Variants in KANSL1 observed in about 807,000 individuals in gnomAD.
The protein encoded by KANSL1 is KAT8 regulatory NSL complex subunit 1.
A neutral mutation model predicts 103.6 loss-of-function variants in KANSL1; 22 were observed. The ratio of observed to expected loss-of-function variants is 0.21; its 90% CI spans 0.15 to 0.30. KANSL1 has a LOEUF of 0.30. Ranked by LOEUF, KANSL1 falls within the 10% of genes least tolerant of loss-of-function variation. KANSL1 has a pLI of 1.00. For synonymous variants in KANSL1, 600 were observed against 527.6 expected (o/e 1.14, Z -1.88); for missense variants, 1,337 against 1,399.8 (o/e 0.96, Z 0.72).
chr17:46,193,553 C>G (rs1227308725), upstream of KANSL1: 9 of 149,502 alleles, frequency 6.0e-5, no homozygotes, highest in African/African-American at 1.5e-4. Flanking sequence ...GGGGCGCCCG[C>G]CGCGCCGCCC....
intron 2 of KANSL1, among the ~76,000 whole-genome samples, chr17:46,121,543 C>G (rs1231699506): frequency 3.3e-5 from 5 of 152,186 alleles, no homozygotes; most frequent in Admixed American, 3.3e-4. Flanking sequence ...GCCTTTTTCC[C>G]TGATGACCCT....
At chr17:46,052,651 T>G (rs2077751138) in intron 6 of KANSL1, among the ~76,000 whole-genome samples, 1 of 150,726 alleles carries the variant, frequency 6.6e-6, no homozygotes, top group Non-Finnish European at 1.5e-5. Context: ...AATAAAAAAA[T>G]TCAATAGATG....
At chr17:46,100,293 C>A (rs543328287) in intron 2 of KANSL1, among the ~76,000 whole-genome samples, 2 of 151,986 alleles carry the variant, frequency 1.3e-5, no homozygotes, top group South Asian at 4.1e-4. Flanking sequence ...AAAAATTATC[C>A]AGACGTAGTC....
intron 6 of KANSL1, among the ~76,000 whole-genome samples, chr17:46,056,785 A>G (rs1229250399): frequency 6.6e-6 from 1 of 152,250 alleles, no homozygotes; most frequent in East Asian, 1.9e-4. Context: ...TAACTGTTAA[A>G]ACATTACACA....
At chr17:46,075,807 T>C (rs1220456907) in intron 4 of KANSL1, among the ~76,000 whole-genome samples, 1 of 152,154 alleles carries the variant, frequency 6.6e-6, no homozygotes, top group Non-Finnish European at 1.5e-5. Context: ...CACAGAAAAG[T>C]ATTTGCAGTT....
chr17:46,038,516 C>T (rs762076648), intron 10 of KANSL1, 22 bp downstream of exon 10: 2 of 1,612,008 alleles, frequency 1.2e-6, no homozygotes, highest in Non-Finnish European at 1.7e-6. Context: ...GGGTGTCCGG[C>T]CAACCCCACA....
chr17:46,135,864 A>C (rs2044114882), intron 2 of KANSL1, among the ~76,000 whole-genome samples: 1 of 152,092 alleles, frequency 6.6e-6, no homozygotes, highest in Non-Finnish European at 1.5e-5. Context: ...CAGTGACCCA[A>C]CAATTTGCCA....
chr17:46,189,980 C>T (rs956356690), intron 1 of KANSL1, among the ~76,000 whole-genome samples: 1 of 151,548 alleles, frequency 6.6e-6, no homozygotes, highest in African/African-American at 2.4e-5. Flanking sequence ...GGGGCCTAAT[C>T]AGAACCTCTC....
intron 2 of KANSL1, among the ~76,000 whole-genome samples, chr17:46,106,817 G>C (rs2042586792): frequency 7.4e-6 from 1 of 135,252 alleles, no homozygotes; most frequent in Non-Finnish European, 1.8e-5. Flanking sequence ...AAAAATAAAT[G>C]TGGTAAAAAG....
At chr17:46,037,012 G>T (rs2077171880) in intron 10 of KANSL1, among the ~76,000 whole-genome samples, 1 of 152,172 alleles carries the variant, frequency 6.6e-6, no homozygotes, top group Admixed American at 6.5e-5. Context: ...ACTGTGCCTG[G>T]CCTATCTTCT....
intron 4 of KANSL1, among the ~76,000 whole-genome samples, chr17:46,077,711 C>T (rs989354429): frequency 6.6e-6 from 1 of 152,098 alleles, no homozygotes; most frequent in Admixed American, 6.5e-5. Flanking sequence ...GTGTCTGCCA[C>T]CACGCTTGGA....
Position 46,059,647 on chromosome 17 carries a change from A to AAAGAGAGAGAG in KANSL1, c.1848+6889_1848+6890insCTCTCTCTCTT, listed in dbSNP as rs541946204. Among the ~76,000 whole-genome samples, 164 of 54,858 alleles carry AAAGAGAGAGAG rather than the reference A, an allele frequency of 3.0e-3. 4 individuals carry two copies. Among genetic ancestry groups the AAAGAGAGAGAG allele is most frequent in the Middle Eastern group, 0.013 (1 of 80 alleles). The allele number at this position is 54,858 out of a possible 152,430, so 36.0% of individuals were successfully genotyped here. On this transcript the variant is annotated intron_variant, in intron 6 of 14. Transcript: ENST00000432791. ...TGACTCCAAAAAAAAAAAAAAAAAA[A>AAAGAGAGAGAG]AGAGAGAGAGAGAGAGAGAAAAGGA...
chr17:46,059,967 C>A (rs1308251881), intron 6 of KANSL1, among the ~76,000 whole-genome samples: 2 of 152,034 alleles, frequency 1.3e-5, no homozygotes, highest in Non-Finnish European at 2.9e-5. Flanking sequence ...CAAACAACAA[C>A]AACAAAAAAT....
chr17:46,166,856 G>C (rs2046026975), intron 2 of KANSL1, among the ~76,000 whole-genome samples: 1 of 152,158 alleles, frequency 6.6e-6, no homozygotes. Flanking sequence ...AATTATTCTT[G>C]GCTGCACATC....
intron 2 of KANSL1, 26 bp from the exon 3 acceptor site, chr17:46,094,727 T>TC: frequency 1.2e-6 from 2 of 1,613,726 alleles, no homozygotes; most frequent in African/African-American, 2.7e-5. Flanking sequence ...CTGAGTGAAA[T>TC]CCAAGAGTAG....
chr17:46,148,771 C>T (rs1031816233), intron 2 of KANSL1, among the ~76,000 whole-genome samples: 2 of 151,310 alleles, frequency 1.3e-5, no homozygotes, highest in Non-Finnish European at 2.9e-5. Flanking sequence ...TTTTTAGTAG[C>T]GACAGGGTTT....
intron 2 of KANSL1, among the ~76,000 whole-genome samples, chr17:46,165,317 C>T (rs1187057160): frequency 6.6e-6 from 1 of 152,162 alleles, no homozygotes; most frequent in East Asian, 1.9e-4. Context: ...ACTGCAAGCT[C>T]CACCTCCTGG....
chr17:46,126,642 CATT>C (rs2043572446), intron 2 of KANSL1, among the ~76,000 whole-genome samples: 1 of 152,092 alleles, frequency 6.6e-6, no homozygotes. Flanking sequence ...TCCCCAACTT[CATT>C]ATTAAGTGAG....
At chr17:46,216,885 C>T (rs956876438) in intron 1 of KANSL1, among the ~76,000 whole-genome samples, 4 of 152,084 alleles carry the variant, frequency 2.6e-5, no homozygotes, top group African/African-American at 4.8e-5. Flanking sequence ...GCCACAGGAT[C>T]GCTTGAGCTC....
Sources: gnomAD v4.1 joint callset for allele counts (sites outside exome capture counted in the v4.1 genomes callset) on GRCh38, gnomAD v4.1.1 for gene constraint, MANE v1.5 for transcripts, NCBI Gene and HGNC (gene_info 2026-07-23, HGNC 2026-07-21) for gene names.